The following PCDH15 variants were observed in gnomAD, a reference collection of about 807,000 sequenced individuals.
PCDH15 encodes the protein protocadherin related 15, also known as protocadherin-15.
A neutral mutation model predicts 178.5 loss-of-function variants in PCDH15; 129 were observed. That is an observed-to-expected ratio of 0.72 (90% CI 0.63 to 0.84). PCDH15 has a LOEUF of 0.84. Ranked by LOEUF, PCDH15 falls within the 40% of genes least tolerant of loss-of-function variation. The pLI is 0.00. For synonymous variants in PCDH15, 800 were observed against 732.0 expected, an observed-to-expected ratio of 1.09 and a Z score of -1.50; for missense variants, 2,230 against 2,099.9, an observed-to-expected ratio of 1.06 and a Z score of -1.21.
chr10:55,539,423 T>C (rs1432143313), intron 2 of PCDH15, among the ~76,000 whole-genome samples: 1 of 152,052 alleles, frequency 6.6e-6, no homozygotes, highest in Non-Finnish European at 1.5e-5. Context: ...TTCCCTCATA[T>C]TTTAGTTCAA....
chr10:54,178,685 G>T (rs1449330918), intron 13 of PCDH15, among the ~76,000 whole-genome samples: 1 of 151,702 alleles, frequency 6.6e-6, no homozygotes, highest in African/African-American at 2.4e-5. Context: ...AATGACTTAA[G>T]AAGTACCAGA....
chr10:54,010,267 C>T lies in PCDH15; in HGVS notation c.2751+9925G>A, dbSNP rs2092534615. On this transcript the variant is annotated intron_variant, in intron 20 of 37. Transcript: ENST00000644397. ...TACAGAAAAGCGGGTAGGCTGTTTT[C>T]CATGTGGGTCCACACCCTTGCTACT... Among the ~76,000 whole-genome samples the T allele has an allele frequency of 3.3e-5, 5 of 152,244 alleles. No individual in the cohort carries two copies. In the South Asian group the frequency reaches 6.2e-4, roughly 19 times the overall value.
intron 3 of PCDH15, among the ~76,000 whole-genome samples, chr10:54,879,884 G>C (rs1954228699): frequency 6.6e-6 from 1 of 151,830 alleles, no homozygotes; most frequent in South Asian, 2.1e-4. Context: ...AGATAACTGT[G>C]ATCATCATGA....
chr10:54,674,548 C>A (rs1436393921), intron 1 of PCDH15, among the ~76,000 whole-genome samples: 1 of 152,052 alleles, frequency 6.6e-6, no homozygotes, highest in Non-Finnish European at 1.5e-5. Context: ...ATATATTAAG[C>A]TTTTACCATT....
At chr10:54,307,028 A>G (rs368237618) in intron 8 of PCDH15, among the ~76,000 whole-genome samples, 4,677 of 29,972 alleles carry the variant, frequency 0.16, 561 homozygotes, top group Middle Eastern at 0.25. Flanking sequence ...ATATATATAT[A>G]TGTGTGTGTG....
intron 2 of PCDH15, among the ~76,000 whole-genome samples, chr10:55,144,201 T>C (rs779357176): frequency 6.6e-6 from 1 of 151,834 alleles, no homozygotes; most frequent in Non-Finnish European, 1.5e-5. Context: ...GACCTAAGAA[T>C]GGATATATAC....
rs187206236 is a variant in PCDH15 at position 54,417,137 on chromosome 10, A to C, written c.158-38195T>G. Among the ~76,000 whole-genome samples the C allele has an allele frequency of 3.2e-4, 48 of 152,080 alleles. No homozygotes were observed. In the East Asian group the frequency reaches 9.3e-3, roughly 29 times the overall value. On this transcript the variant is annotated intron_variant, in intron 3 of 37. Transcript: ENST00000644397. ...ATTCCTGGGCTCAAGTGATCCACGC[A>C]CCTTAGTCTCCCAAGGTGCTGGGAT...
At chr10:54,274,996 C>T (rs12257189) in intron 8 of PCDH15, among the ~76,000 whole-genome samples, 6,688 of 151,630 alleles carry the variant, frequency 0.044, 476 homozygotes, top group African/African-American at 0.15. Flanking sequence ...ATTAGGGATC[C>T]AAGCCATAAA....
intron 2 of PCDH15, among the ~76,000 whole-genome samples, chr10:55,436,917 T>C (rs765203022): frequency 6.6e-6 from 1 of 152,198 alleles, no homozygotes; most frequent in Non-Finnish European, 1.5e-5. Context: ...AAGGGTTATC[T>C]TCTGTTAAAA....
chr10:53,958,840 A>ATGGTGG, intron 23 of PCDH15, among the ~76,000 whole-genome samples: 1 of 151,958 alleles, frequency 6.6e-6, no homozygotes, highest in Non-Finnish European at 1.5e-5. Flanking sequence ...TTAGCCAGGC[A>ATGGTGG]TGGTGGTGGG....
intron 2 of PCDH15, among the ~76,000 whole-genome samples, chr10:54,553,416 G>A (rs2133218928): frequency 6.6e-6 from 1 of 152,246 alleles, no homozygotes; most frequent in African/African-American, 2.4e-5. Context: ...TTTGTCTAAT[G>A]GGAAATAGAA....
At chr10:54,560,991 G>A (rs187387904) in intron 2 of PCDH15, among the ~76,000 whole-genome samples, 1 of 152,106 alleles carries the variant, frequency 6.6e-6, no homozygotes, top group East Asian at 1.9e-4. Context: ...TGTAAAAATT[G>A]TTTTCTTTTT....
chr10:55,422,752 A>G (rs1167422563), intron 2 of PCDH15, among the ~76,000 whole-genome samples: 1 of 151,888 alleles, frequency 6.6e-6, no homozygotes, highest in African/African-American at 2.4e-5. Context: ...GAAGAAGGCA[A>G]TAAGGAATGA....
rs1837376504 is a variant in PCDH15, at chr10:55,107,391, T to G, written c.-80+59185A>C. On this transcript the variant is annotated intron_variant, in intron 2 of 5. Transcript: ENST00000458638. ...CTTTTATTAGGTCATACATGAAAAT[T>G]TTTACAACATTTAAGCAATACCAGA... Among the ~76,000 whole-genome samples the G allele has an allele frequency of 4.6e-5, 7 of 152,180 alleles. No individual in the cohort carries two copies. In the South Asian group the frequency reaches 1.5e-3, roughly 32 times the overall value.
intron 10 of PCDH15, among the ~76,000 whole-genome samples, chr10:54,201,265 G>A (rs1010839836): frequency 1.3e-5 from 2 of 152,060 alleles, no homozygotes; most frequent in African/African-American, 4.8e-5. Context: ...TAGTAAACTT[G>A]AGATGAAAAA....
chr10:54,593,404 T>C (rs2133964159), intron 2 of PCDH15, among the ~76,000 whole-genome samples: 1 of 152,328 alleles, frequency 6.6e-6, no homozygotes, highest in East Asian at 1.9e-4. Context: ...TATCCAGTTT[T>C]CTCAGCACCA....
chr10:54,493,705 A>G (rs1456807312), intron 3 of PCDH15, among the ~76,000 whole-genome samples: 2 of 152,080 alleles, frequency 1.3e-5, no homozygotes, highest in Non-Finnish European at 2.9e-5. Flanking sequence ...TAGAACTAGA[A>G]ATACCATTTG....
rs569311015 is a variant in PCDH15, at chr10:55,421,782, G to A, written c.-156+205843C>T. On this transcript the variant is annotated intron_variant, in intron 2 of 5. Coordinates refer to the PCDH15 transcript ENST00000613346. Reference sequence around the variant, plus strand: ...TCTTTTGTTGTGAATCATATTTTCTGACAAATATTCTAAACATTTCACTTC... The same window carrying A: ...TCTTTTGTTGTGAATCATATTTTCTAACAAATATTCTAAACATTTCACTTC... Among the ~76,000 whole-genome samples the A allele has an allele frequency of 4.6e-4, 70 of 150,938 alleles. 1 individual carries two copies. The highest frequency in any genetic ancestry group is 1.1e-3 in the Admixed American group (17 of 15,086).
At chr10:54,973,397 A>G (rs1337559186) in intron 2 of PCDH15, among the ~76,000 whole-genome samples, 1 of 152,220 alleles carries the variant, frequency 6.6e-6, no homozygotes, top group Admixed American at 6.5e-5. Flanking sequence ...GTTGCATAAA[A>G]ATATGCACAT....
Sources: allele counts gnomAD v4.1 joint callset (sites outside exome capture counted in the v4.1 genomes callset), GRCh38; gene constraint gnomAD v4.1.1; transcripts MANE v1.5; gene names NCBI Gene and HGNC (gene_info 2026-07-23, HGNC 2026-07-21).